The following MAP2 variants were observed in gnomAD, a reference collection of about 807,000 sequenced individuals.
MAP2 encodes microtubule-associated protein 2.
In MAP2, 14 loss-of-function variants were observed where a neutral mutation model predicts 137.6. The ratio of observed to expected loss-of-function variants is 0.10; its 90% CI spans 0.07 to 0.16. The LOEUF (loss-of-function observed/expected upper bound fraction) is 0.16, where lower values mean the gene tolerates loss of function less well. MAP2 is among the 10% of genes least tolerant of loss of function. The probability of loss-of-function intolerance (pLI) is 1.00; values close to 1 mark genes in which losing one functional copy is unlikely to be tolerated. For missense variants in MAP2, 2,088 were observed against 2,191.5 expected (o/e 0.95, Z 0.94); for synonymous variants, 786 against 782.3 (o/e 1.00, Z -0.08).
rs188136148 is a variant in MAP2 at position 209,525,935 on chromosome 2, A to G, written c.-172+18294A>G. On this transcript the variant is annotated intron_variant, in intron 2 of 15. Coordinates refer to ENST00000682079, the MANE Select transcript of MAP2 (RefSeq NM_001375505.1). ...TCTTTTCTTGTGGTTGCTGGTTTCT[A>G]GCCAATTCTATTTTTGCATTTATTT... 1.6e-3 allele frequency among the ~76,000 whole-genome samples: 240 copies of G among 152,198 alleles called. 2 individuals are homozygous for G. Among genetic ancestry groups the G allele is most frequent in the African/African-American group, 5.5e-3 (228 of 41,538 alleles).
intron 1 of MAP2, among the ~76,000 whole-genome samples, chr2:209,428,130 A>T (rs993304997): frequency 7.9e-5 from 12 of 152,222 alleles, no homozygotes; most frequent in African/African-American, 2.9e-4. Context: ...AATTAGATGA[A>T]TTTTTATGAA....
intron 1 of MAP2, among the ~76,000 whole-genome samples, chr2:209,441,323 G>A (rs1697711773): frequency 7.6e-6 from 1 of 130,796 alleles, no homozygotes; most frequent in Non-Finnish European, 1.5e-5. Flanking sequence ...ATTTCTTTGG[G>A]CAGTTAAGTC....
intron 2 of MAP2, among the ~76,000 whole-genome samples, chr2:209,574,995 G>C (rs1455827207): frequency 1.3e-5 from 2 of 152,178 alleles, no homozygotes; most frequent in African/African-American, 2.4e-5. Flanking sequence ...TTTTGGCCAT[G>C]AGGCAGCATT....
chr2:209,591,485 TTCC>T (rs2079227711), intron 3 of MAP2, among the ~76,000 whole-genome samples: 3 of 151,724 alleles, frequency 2.0e-5, no homozygotes, highest in African/African-American at 7.3e-5. Flanking sequence ...CACCACAATT[TTCC>T]CACTGCCTTA....
intron 2 of MAP2, among the ~76,000 whole-genome samples, chr2:209,544,846 C>T (rs2067730176): frequency 1.3e-5 from 2 of 152,142 alleles, no homozygotes; most frequent in Admixed American, 6.5e-5. Flanking sequence ...ATTATGTGCA[C>T]ATTGAAATAC....
At chr2:209,607,512 G>A (rs998606203) in intron 3 of MAP2, among the ~76,000 whole-genome samples, 1 of 152,196 alleles carries the variant, frequency 6.6e-6, no homozygotes, top group Non-Finnish European at 1.5e-5. Context: ...TCAGCTCATT[G>A]CAACCGCTGC....
At chr2:209,543,543 T>C (rs537949230) in intron 2 of MAP2, among the ~76,000 whole-genome samples, 1 of 152,336 alleles carries the variant, frequency 6.6e-6, no homozygotes, top group South Asian at 2.1e-4. Context: ...TACTCAGATA[T>C]TGATTTTGCA....
At chr2:209,560,588 C>T (rs113156272) in intron 2 of MAP2, among the ~76,000 whole-genome samples, 2,988 of 151,782 alleles carry the variant, frequency 0.02, 97 homozygotes, top group African/African-American at 0.068. Context: ...CAAGCAATCC[C>T]CCACCCCTCA....
intron 2 of MAP2, among the ~76,000 whole-genome samples, chr2:209,569,799 GAATAA>G (rs2074088798): frequency 6.6e-6 from 1 of 151,828 alleles, no homozygotes; most frequent in South Asian, 2.1e-4. Context: ...TAACTTGATA[GAATAA>G]AATAAGGGTA....
intron 1 of MAP2, among the ~76,000 whole-genome samples, chr2:209,490,284 A>C (rs2058913791): frequency 6.6e-6 from 1 of 152,180 alleles, no homozygotes; most frequent in Non-Finnish European, 1.5e-5. Flanking sequence ...GAAGCGCTAA[A>C]TGTAGCAAGG....
Position 209,694,579 on chromosome 2 carries a change from A to G in MAP2, c.2409A>G (p.Ala803=). The G allele has an allele frequency of 6.2e-7, 1 of 1,614,028 alleles. No individual in the cohort carries two copies. Among genetic ancestry groups the G allele is most frequent in the Non-Finnish European group, 8.5e-7 (1 of 1,179,922 alleles). Residue 803 remains alanine, a synonymous_variant, in exon 8 of 16, where the codon GCA becomes GCG. Coordinates refer to ENST00000682079, the MANE Select transcript of MAP2 (RefSeq NM_001375505.1). ...TTTACAAAAATGGTACTGTCATGGCACCTGACCTTCCTGAAATGCTAGATC... is the reference window on the plus strand; with the variant it reads ...TTTACAAAAATGGTACTGTCATGGCGCCTGACCTTCCTGAAATGCTAGATC... The part of the protein sequence containing the change: ...KDFYKNGTVM[A]PDLPEMLDLA...
At chr2:209,602,408 C>A (rs1473722946) in intron 3 of MAP2, among the ~76,000 whole-genome samples, 1 of 152,152 alleles carries the variant, frequency 6.6e-6, no homozygotes, top group Non-Finnish European at 1.5e-5. Context: ...TCATGAATTG[C>A]ATTTGATTTC....
At position 209,693,008 on chromosome 2, in the gene MAP2, T is replaced by A. The variant is rs1280290806; in HGVS notation, c.838T>A (p.Leu280Ile). 1 of 1,613,196 alleles carries A rather than the reference T, an allele frequency of 6.2e-7. No homozygotes were observed. ...GGAAGCAAAAAAGGATGAGTGGGGT[T>A]TAGTTGCCCCCATATCTCCTGGCCC... ...PTEAKKDEWG[L>I]VAPISPGPLT... Residue 280 changes from leucine (L) to isoleucine (I), a missense_variant, in exon 8 of 16, where the codon TTA becomes ATA. Physicochemically the swap from Leu to Ile is conservative, Grantham distance 5. Coordinates refer to ENST00000682079, the MANE Select transcript of MAP2 (RefSeq NM_001375505.1).
intron 1 of MAP2, among the ~76,000 whole-genome samples, chr2:209,443,569 A>T (rs1698342002): frequency 2.4e-4 from 1 of 4,170 alleles, no homozygotes; most frequent in Admixed American, 7.7e-4. Context: ...AGTCTCTTCA[A>T]CGACCCACTC....
intron 2 of MAP2, among the ~76,000 whole-genome samples, chr2:209,552,394 G>A (rs1314965863): frequency 6.6e-6 from 1 of 152,022 alleles, no homozygotes; most frequent in Admixed American, 6.6e-5. Context: ...ACAGTGCCAG[G>A]AATATAATAT....
intron 1 of MAP2, among the ~76,000 whole-genome samples, chr2:209,494,836 T>C (rs542724244): frequency 1.6e-4 from 25 of 152,234 alleles, no homozygotes; most frequent in Non-Finnish European, 2.2e-4. Flanking sequence ...AATTTATCAT[T>C]GGTTTTCAGG....
chr2:209,663,861 A>T (rs2044891782), intron 5 of MAP2, among the ~76,000 whole-genome samples: 2 of 152,234 alleles, frequency 1.3e-5, no homozygotes, highest in African/African-American at 4.8e-5. Context: ...CATTTGCCGA[A>T]TGTAAATGGG....
intron 1 of MAP2, among the ~76,000 whole-genome samples, chr2:209,434,909 T>TTATATATATATGTTATATATATGTTA (rs1037543369): frequency 3.0e-5 from 4 of 135,192 alleles, no homozygotes; most frequent in Admixed American, 7.4e-5. Flanking sequence ...TATATATATG[T>TTATATATATATGTTATATATATGTTA]TATATATATG....
At chr2:209,465,478 A>G (rs1019680123) in intron 1 of MAP2, among the ~76,000 whole-genome samples, 3 of 152,180 alleles carry the variant, frequency 2.0e-5, no homozygotes, top group African/African-American at 7.2e-5. Flanking sequence ...ATGGTATTGC[A>G]TGAAAACTGG....
Sources: allele counts gnomAD v4.1 joint callset (sites outside exome capture counted in the v4.1 genomes callset), GRCh38; gene constraint gnomAD v4.1.1; transcripts MANE v1.5; gene names NCBI Gene and HGNC (gene_info 2026-07-23, HGNC 2026-07-21).